PACRG: variants seen among roughly 807,000 people sequenced by gnomAD.
PACRG encodes parkin coregulated gene protein.
Under a neutral mutation model 29.7 loss-of-function variants are expected in PACRG, and 29 were observed. That is an observed-to-expected ratio of 0.98 (90% CI 0.73 to 1.33). The LOEUF (loss-of-function observed/expected upper bound fraction) is 1.33. Among genes scored for constraint, PACRG ranks in the 40% most tolerant of loss-of-function variants. PACRG has a pLI of 0.00. For missense variants in PACRG, 279 were observed against 316.2 expected (o/e 0.88, Z 0.89); for synonymous variants, 116 against 118.7 (o/e 0.98, Z 0.15).
At chr6:163,244,219 ATT>A (rs151258124) in intron 4 of PACRG, among the ~76,000 whole-genome samples, 67 of 151,896 alleles carry the variant, frequency 4.4e-4, no homozygotes, top group African/African-American at 1.3e-3. Context: ...CATTTAAATC[ATT>A]TTTTTTCCTA....
chr6:163,081,768 G>C (rs541180669), intron 3 of PACRG, among the ~76,000 whole-genome samples: 42 of 151,998 alleles, frequency 2.8e-4, no homozygotes, highest in Non-Finnish European at 4.9e-4. Context: ...AAAAAAAAGT[G>C]GGGGGGAGTA....
intron 2 of PACRG, among the ~76,000 whole-genome samples, chr6:162,947,036 A>T (rs948309151): frequency 6.6e-6 from 1 of 151,856 alleles, no homozygotes; most frequent in Non-Finnish European, 1.5e-5. Flanking sequence ...AATGGGCAAA[A>T]GCTGGAAGCA....
chr6:162,837,097 A>G (rs1789293469), intron 2 of PACRG, among the ~76,000 whole-genome samples: 1 of 152,168 alleles, frequency 6.6e-6, no homozygotes, highest in African/African-American at 2.4e-5. Flanking sequence ...GTAGGGAATA[A>G]TGTGGGATAA....
At chr6:163,161,107 G>C (rs12205424) in intron 4 of PACRG, among the ~76,000 whole-genome samples, 19,473 of 151,748 alleles carry the variant, frequency 0.13, 1,390 homozygotes, top group Middle Eastern at 0.2. Context: ...TCCATCTTCC[G>C]GGTCATGTAA....
intron 2 of PACRG, among the ~76,000 whole-genome samples, chr6:162,910,179 A>G (rs1288102605): frequency 6.6e-6 from 1 of 152,198 alleles, no homozygotes; most frequent in East Asian, 1.9e-4. Flanking sequence ...TCATAAACAT[A>G]ATTATTCTTA....
intron 1 of PACRG, among the ~76,000 whole-genome samples, chr6:162,789,631 G>A (rs2128324425): frequency 6.6e-6 from 1 of 152,212 alleles, no homozygotes; most frequent in African/African-American, 2.4e-5. Context: ...AGATTAAATA[G>A]ATTCATTTAG....
At chr6:162,975,055 G>A (rs374431845) in intron 2 of PACRG, among the ~76,000 whole-genome samples, 52 of 152,272 alleles carry the variant, frequency 3.4e-4, no homozygotes, top group African/African-American at 1.1e-3. Context: ...ATGTGAATGT[G>A]GAGGAATTTC....
In PACRG at chr6:163,287,823, G is replaced by A. The variant is rs576228378; in HGVS notation, c.614-27004G>A. 7.0e-4 allele frequency among the ~76,000 whole-genome samples: 106 copies of A among 152,328 alleles called. 1 individual carries two copies. In the South Asian group the frequency reaches 0.011, roughly 16 times the overall value. On this transcript the variant is annotated intron_variant, in intron 4 of 4. Transcript: ENST00000366888. ...TGCGCAGTTGGGAAACCTCAGAACG[G>A]TGTGGCCCGACCGTGGCCATGCTGA...
intron 4 of PACRG, among the ~76,000 whole-genome samples, chr6:163,229,119 G>A (rs1355637920): frequency 6.6e-6 from 1 of 152,176 alleles, no homozygotes; most frequent in Admixed American, 6.5e-5. Flanking sequence ...CAATGCTCTG[G>A]GAGGCTGAGG....
chr6:162,947,625 T>TATAATC (rs1554313416), intron 2 of PACRG, among the ~76,000 whole-genome samples: 4 of 53,384 alleles, frequency 7.5e-5, no homozygotes, highest in African/African-American at 2.8e-4. Context: ...TATATATATA[T>TATAATC]ATATATATAT....
chr6:163,173,617 C>T (rs1779203266), intron 4 of PACRG, among the ~76,000 whole-genome samples: 1 of 152,208 alleles, frequency 6.6e-6, no homozygotes, highest in South Asian at 2.1e-4. Context: ...CCGCTCTCCC[C>T]CGCAAGTGGC....
At chr6:163,081,873 C>T (rs897925411) in intron 3 of PACRG, among the ~76,000 whole-genome samples, 2 of 152,146 alleles carry the variant, frequency 1.3e-5, no homozygotes, top group African/African-American at 2.4e-5. Flanking sequence ...TGCCTGCTCT[C>T]AGCACTATAA....
chr6:162,857,152 G>A (rs981287114), intron 2 of PACRG, among the ~76,000 whole-genome samples: 11 of 152,254 alleles, frequency 7.2e-5, no homozygotes, highest in Admixed American at 6.5e-4. Flanking sequence ...TTTGAGCTCC[G>A]GAATAGCAAA....
intron 4 of PACRG, among the ~76,000 whole-genome samples, chr6:163,112,749 T>C (rs1815781112): frequency 6.6e-6 from 1 of 152,188 alleles, no homozygotes; most frequent in South Asian, 2.1e-4. Context: ...AGAACAATTT[T>C]TTTAAAAGAA....
intron 4 of PACRG, among the ~76,000 whole-genome samples, chr6:163,277,681 ATATC>A (rs1038904168): frequency 5.4e-5 from 8 of 147,768 alleles, no homozygotes; most frequent in African/African-American, 2.1e-4. Flanking sequence ...ATCTGTATCT[ATATC>A]TATATCTATA....
intron 4 of PACRG, among the ~76,000 whole-genome samples, chr6:163,246,023 C>T (rs543683097): frequency 1.3e-5 from 2 of 152,248 alleles, no homozygotes; most frequent in South Asian, 4.1e-4. Flanking sequence ...ATTGCTGCAA[C>T]GGCTTCTAAA....
rs536827328 is a variant in PACRG, at chr6:163,216,524, C to G, written c.614-98303C>G. ...CTTGAAAACTATAATTAATGTAAAG[C>G]AAGGATAGCTGATAAATAGAATATC... On this transcript the variant is annotated intron_variant, in intron 4 of 4. Transcript: ENST00000366888. Among the ~76,000 whole-genome samples the G allele has an allele frequency of 2.6e-5, 4 of 152,290 alleles. No homozygotes were observed. In the South Asian group the frequency reaches 8.3e-4, roughly 32 times the overall value.
intron 1 of PACRG, among the ~76,000 whole-genome samples, chr6:162,799,840 C>T (rs1158323271): frequency 6.6e-6 from 1 of 152,092 alleles, no homozygotes; most frequent in African/African-American, 2.4e-5. Flanking sequence ...ATTTTTTACT[C>T]TAATTATTCA....
intron 2 of PACRG, among the ~76,000 whole-genome samples, chr6:162,873,281 T>TA (rs1344004695): frequency 1.3e-4 from 20 of 151,584 alleles, no homozygotes; most frequent in African/African-American, 4.8e-4. Context: ...GTACCTACAA[T>TA]AGTGCCCTGT....
Sources: allele counts gnomAD v4.1 joint callset (sites outside exome capture counted in the v4.1 genomes callset), GRCh38; gene constraint gnomAD v4.1.1; transcripts MANE v1.5; gene names NCBI Gene and HGNC (gene_info 2026-07-23, HGNC 2026-07-21).